ROR1: variants seen among roughly 807,000 people sequenced by gnomAD.
ROR1 encodes the protein inactive tyrosine-protein kinase transmembrane receptor ROR1.
Under a neutral mutation model 78.8 loss-of-function variants are expected in ROR1, and 19 were observed. The observed-to-expected ratio is 0.24, with a 90% CI of 0.17 to 0.35. The LOEUF is 0.35. Among genes scored for constraint, ROR1 ranks in the 10% least tolerant of loss-of-function variants. ROR1 has a pLI of 1.00. For synonymous variants in ROR1, 386 were observed against 433.6 expected (o/e 0.89, Z 1.36); for missense variants, 917 against 1,177.8 (o/e 0.78, Z 3.24).
At chr1:63,939,474 T>C (rs1397254720) in intron 1 of ROR1, among the ~76,000 whole-genome samples, 1 of 152,162 alleles carries the variant, frequency 6.6e-6, no homozygotes, top group Non-Finnish European at 1.5e-5. Flanking sequence ...ATAAATACTT[T>C]TGGAGAACAC....
chr1:63,834,541 T>TGG (rs1451979468), intron 1 of ROR1, among the ~76,000 whole-genome samples: 2 of 152,232 alleles, frequency 1.3e-5, no homozygotes, highest in African/African-American at 2.4e-5. Context: ...GCTCTTCTGT[T>TGG]CTGATGCTTT....
At chr1:63,849,656 C>T (rs1645101646) in intron 1 of ROR1, among the ~76,000 whole-genome samples, 1 of 152,068 alleles carries the variant, frequency 6.6e-6, no homozygotes, top group South Asian at 2.1e-4. Context: ...AGTGATGGTA[C>T]CCCACACTAC....
intron 1 of ROR1, among the ~76,000 whole-genome samples, chr1:63,858,039 C>T (rs1013243732): frequency 1.8e-5 from 2 of 110,246 alleles, no homozygotes; most frequent in African/African-American, 1.6e-4. Context: ...ACCCTCTCCC[C>T]ATTCCCCCAA....
chr1:64,018,387 A>T (rs1299150589), intron 2 of ROR1, among the ~76,000 whole-genome samples: 1 of 152,154 alleles, frequency 6.6e-6, no homozygotes, highest in Non-Finnish European at 1.5e-5. Context: ...TCTGATGAGA[A>T]CACCCTCCCC....
chr1:63,951,689 T>C (rs1169873890), intron 1 of ROR1, among the ~76,000 whole-genome samples: 1 of 152,110 alleles, frequency 6.6e-6, no homozygotes, highest in African/African-American at 2.4e-5. Context: ...ATTTTGCATT[T>C]GTAATTTCTC....
At chr1:63,943,468 G>A (rs972773268) in intron 1 of ROR1, among the ~76,000 whole-genome samples, 4 of 152,170 alleles carry the variant, frequency 2.6e-5, no homozygotes, top group Non-Finnish European at 4.4e-5. Context: ...TAGGAAGTCC[G>A]TAGAGGAACC....
At chr1:63,960,609 G>A (rs1170338917) in intron 1 of ROR1, among the ~76,000 whole-genome samples, 8 of 152,182 alleles carry the variant, frequency 5.3e-5, no homozygotes, top group Non-Finnish European at 1.2e-4. Flanking sequence ...AGACACTTGT[G>A]TAAGTGTGTG....
intron 1 of ROR1, among the ~76,000 whole-genome samples, chr1:63,909,370 T>C (rs1244915308): frequency 1.3e-5 from 2 of 152,220 alleles, no homozygotes; most frequent in African/African-American, 4.8e-5. Context: ...AGCATCTGTA[T>C]GCACTTGAAG....
intron 4 of ROR1, among the ~76,000 whole-genome samples, chr1:64,078,633 A>G (rs1647072667): frequency 6.6e-6 from 1 of 152,190 alleles, no homozygotes; most frequent in South Asian, 2.1e-4. Flanking sequence ...GAGAGTGACT[A>G]GTGGAGACAG....
At chr1:64,043,511 T>C (rs930072157) in intron 2 of ROR1, among the ~76,000 whole-genome samples, 6 of 152,220 alleles carry the variant, frequency 3.9e-5, no homozygotes, top group African/African-American at 1.4e-4. Context: ...CTGCACTGTA[T>C]TTAAAAAGCT....
At chr1:64,050,826 C>T in intron 4 of ROR1, 110 bp downstream of exon 4, 4 of 1,084,614 alleles carry the variant, frequency 3.7e-6, no homozygotes, top group South Asian at 2.5e-5. Flanking sequence ...TTCCAGATGT[C>T]ATTCCATTTT....
chr1:64,033,968 T>C (rs189917832), intron 2 of ROR1, among the ~76,000 whole-genome samples: 121 of 152,294 alleles, frequency 7.9e-4, no homozygotes, highest in Admixed American at 6.5e-4. Context: ...GTGATTCAGA[T>C]GGTGTCGTGT....
intron 4 of ROR1, among the ~76,000 whole-genome samples, chr1:64,110,096 T>C (rs972515225): frequency 1.2e-4 from 19 of 152,178 alleles, no homozygotes; most frequent in Non-Finnish European, 2.2e-4. Flanking sequence ...AGGCCAGGTA[T>C]TGTCCATATG....
intron 4 of ROR1, among the ~76,000 whole-genome samples, chr1:64,131,847 A>T (rs965318202): frequency 1.3e-5 from 2 of 149,782 alleles, no homozygotes; most frequent in African/African-American, 4.9e-5. Context: ...CTTGAACTCC[A>T]GGCCTCAAGC....
intron 7 of ROR1, among the ~76,000 whole-genome samples, chr1:64,146,401 G>C (rs777258974): frequency 2.0e-5 from 3 of 152,144 alleles, no homozygotes; most frequent in Admixed American, 6.5e-5. Flanking sequence ...GCTTGAACTT[G>C]GGAGGCGGAG....
chr1:63,916,279 A>G (rs1190895981), intron 1 of ROR1, among the ~76,000 whole-genome samples: 2 of 152,208 alleles, frequency 1.3e-5, no homozygotes, highest in East Asian at 1.9e-4. Flanking sequence ...AAGAGCATTC[A>G]TCGGGCCAGG....
At chr1:64,111,292 T>G (rs1367711632) in intron 4 of ROR1, 1 of 152,210 alleles carries the variant, frequency 6.6e-6, no homozygotes, top group Non-Finnish European at 1.5e-5. Context: ...CTTTGTTATC[T>G]GCTGAGATCT....
intron 1 of ROR1, among the ~76,000 whole-genome samples, chr1:63,908,921 TC>T (rs1225780706): frequency 6.6e-6 from 1 of 152,176 alleles, no homozygotes; most frequent in Non-Finnish European, 1.5e-5. Context: ...TCCAGTGGCC[TC>T]CATAGCTACT....
At chr1:63,887,346 T>G (rs1389358103) in intron 1 of ROR1, among the ~76,000 whole-genome samples, 1 of 152,202 alleles carries the variant, frequency 6.6e-6, no homozygotes, top group Admixed American at 6.5e-5. Context: ...GGGCTAATGC[T>G]TATTTTGAAT....
Sources: allele counts gnomAD v4.1 joint callset (sites outside exome capture counted in the v4.1 genomes callset), GRCh38; gene constraint gnomAD v4.1.1; transcripts MANE v1.5; gene names NCBI Gene and HGNC (gene_info 2026-07-23, HGNC 2026-07-21).